FKBP11: variants seen among roughly 807,000 people sequenced by gnomAD.
FKBP11 encodes peptidyl-prolyl cis-trans isomerase FKBP11.
A neutral mutation model predicts 24.7 loss-of-function variants in FKBP11; 21 were observed. The observed-to-expected ratio is 0.85, with a 90% CI of 0.60 to 1.23. FKBP11 has a LOEUF of 1.23. Ranked by LOEUF, FKBP11 falls within the 50% of genes most tolerant of loss-of-function variation. The pLI, the probability that FKBP11 is intolerant of heterozygous loss-of-function variation, is 0.00. For synonymous variants in FKBP11, 106 were observed against 100.6 expected (o/e 1.05, Z -0.32); for missense variants, 245 against 248.7 (o/e 0.99, Z 0.10).
At chr12:48,929,020 G>A (rs1247534823), upstream of FKBP11, among the ~76,000 whole-genome samples, 2 of 149,032 alleles carry the variant, frequency 1.3e-5, no homozygotes, top group African/African-American at 4.9e-5. Context: ...TAGTGGAGAC[G>A]GGGTTTCACT....
At chr12:48,928,304 T>TA (rs1184317178), upstream of FKBP11, among the ~76,000 whole-genome samples, 1 of 151,576 alleles carries the variant, frequency 6.6e-6, no homozygotes, top group Non-Finnish European at 1.5e-5. Context: ...TTCGGCTTCT[T>TA]AAAGTGCTGG....
intron 5 of FKBP11, 126 bp downstream of exon 5, chr12:48,923,656 C>T: frequency 6.4e-7 from 1 of 1,571,652 alleles, no homozygotes; most frequent in Non-Finnish European, 8.7e-7. Flanking sequence ...GAGGCCCCAG[C>T]CACTCCTATC....
chr12:48,928,812 TTCTA>T (rs1490924047), upstream of FKBP11, among the ~76,000 whole-genome samples: 2 of 138,138 alleles, frequency 1.4e-5, no homozygotes, highest in African/African-American at 2.6e-5. Flanking sequence ...AGAAATAAAC[TTCTA>T]TCTTTTTTTT....
chr12:48,935,165 CAA>C, the FKBP11 span, among the ~76,000 whole-genome samples: 1 of 151,792 alleles, frequency 6.6e-6, no homozygotes, highest in African/African-American at 2.4e-5. Context: ...GGGTAATGTT[CAA>C]AGTCATTGGG....
chr12:48,924,851 A>G (rs1939922247), intron 2 of FKBP11, 195 bp downstream of exon 2: 2 of 1,443,116 alleles, frequency 1.4e-6, no homozygotes, highest in South Asian at 1.5e-5. Flanking sequence ...CGTGCCAGGT[A>G]GGAACTGGCA....
At chr12:48,938,742 C>G in the FKBP11 span, 14 of 636,660 alleles carry the variant, frequency 2.2e-5, no homozygotes, top group Admixed American at 5.9e-5. Context: ...AATGACTCAT[C>G]ATCAGGACAG....
At chr12:48,931,510 A>G in the FKBP11 span, 226 of 1,522,814 alleles carry the variant, frequency 1.5e-4, no homozygotes, top group African/African-American at 2.4e-3. Context: ...AGGTGAGATG[A>G]TTCTTGGAAA....
Position 48,924,243 on chromosome 12 carries a change from A to C in FKBP11, c.297T>G (p.Ser99Arg). Residue 99 changes from serine (S) to arginine (R), a missense_variant, in exon 4 of 6, where the codon AGT becomes AGG. Ser to Arg is a moderately radical substitution (Grantham distance 110, BLOSUM62 -1). Coordinates refer to ENST00000550765, the MANE Select transcript of FKBP11 (RefSeq NM_016594.3). ...QKQVIPGLEQSLLDMCVGEKR... is the reference protein window; with the variant it reads ...QKQVIPGLEQRLLDMCVGEKR... ...CTCACCCCACACACATGTCGAGAAG[A>C]CTCTGCTCCAGACCTTGAAGAAGAA... The C allele has an allele frequency of 6.2e-7, 1 of 1,614,090 alleles. No individual in the cohort carries two copies. Among genetic ancestry groups the C allele is most frequent in the Non-Finnish European group, 8.5e-7 (1 of 1,180,006 alleles).
chr12:48,931,128 TAAAAAAAAAAAAAAAAAA>T, upstream of FKBP11, among the ~76,000 whole-genome samples: 1 of 36,210 alleles, frequency 2.8e-5, no homozygotes, highest in Admixed American at 4.9e-4. Flanking sequence ...GACTCCAGCT[TAAAAAAAAAAAAAAAAAA>T]AAAAAAAAAA....
At chr12:48,929,838 G>C (rs916192822), upstream of FKBP11, among the ~76,000 whole-genome samples, 1 of 152,120 alleles carries the variant, frequency 6.6e-6, no homozygotes, top group Non-Finnish European at 1.5e-5. Context: ...TTCCATCTCT[G>C]TGCCTGAACT....
At chr12:48,925,748 C>A, upstream of FKBP11, 1 of 368,794 alleles carries the variant, frequency 2.7e-6, no homozygotes, top group African/African-American at 2.0e-5. Context: ...GAGCTAGTCT[C>A]TAATCCTCAA....
At position 48,924,205 on chromosome 12, in the gene FKBP11, C is replaced by A; in HGVS notation, c.317+18G>T. On this transcript the variant is annotated intron_variant, in intron 4 of 5. Coordinates refer to ENST00000550765, the MANE Select transcript of FKBP11 (RefSeq NM_016594.3). The stretch of plus-strand genomic sequence containing the variant: ...ATGCAAAGGGGGTACCCAGGCCCAC[C>A]CCTGCCGAGATACTCACCCCACACA... 6.2e-7 allele frequency: 1 copy of A among 1,614,102 alleles called. No homozygotes were observed. The highest frequency in any genetic ancestry group is 1.1e-5 in the South Asian group (1 of 91,076).
chr12:48,921,987 T>C lies in FKBP11; in HGVS notation c.603A>G (p.Lys201=). 2 of 1,582,736 alleles carry C rather than the reference T, an allele frequency of 1.3e-6. No individual in the cohort carries two copies. The highest frequency in any genetic ancestry group is 1.7e-6 in the Non-Finnish European group (2 of 1,169,152). ...GTTTTTTAAAATTTATTATTTATTA[T>C]TTCTTTTTGCTCTTGTTTCGTTTCT... The part of the protein sequence containing the change: ...KEEKRNKSKK[K] Residue 201 remains lysine (K), a synonymous_variant, in exon 6 of 6, where the codon AAA becomes AAG. Transcript: ENST00000550765.
chr12:48,932,523 C>T, the FKBP11 span, among the ~76,000 whole-genome samples: 2 of 151,806 alleles, frequency 1.3e-5, no homozygotes, highest in Admixed American at 6.6e-5. Context: ...ACTTCCTCCA[C>T]TCTTCCCCTA....
chr12:48,927,379 T>C (rs1367470140), upstream of FKBP11, among the ~76,000 whole-genome samples: 2 of 152,152 alleles, frequency 1.3e-5, no homozygotes, highest in East Asian at 3.8e-4. Flanking sequence ...CAGGAGGGAA[T>C]TTCTAGGGGT....
the FKBP11 span, chr12:48,938,282 G>T: frequency 1.7e-5 from 7 of 419,686 alleles, no homozygotes; most frequent in East Asian, 5.0e-4. Context: ...AGAGAGGAGG[G>T]TAACCAGTCA....
chr12:48,938,017 C>T, the FKBP11 span: 1 of 172,736 alleles, frequency 5.8e-6, no homozygotes, highest in South Asian at 1.4e-4. Context: ...GCCATCCCCA[C>T]CCCCCAGTCA....
chr12:48,937,892 G>A, the FKBP11 span: 1 of 157,542 alleles, frequency 6.3e-6, no homozygotes, highest in Non-Finnish European at 1.4e-5. Context: ...GGCAGGAATG[G>A]GATTGGCCCA....
chr12:48,938,567 G>T, the FKBP11 span: 5 of 460,338 alleles, frequency 1.1e-5, no homozygotes, highest in South Asian at 7.8e-5. Flanking sequence ...ACAGGGAGTA[G>T]AAGGGCTTGT....
Sources: allele counts gnomAD v4.1 joint callset (sites outside exome capture counted in the v4.1 genomes callset), GRCh38; gene constraint gnomAD v4.1.1; transcripts MANE v1.5; gene names NCBI Gene and HGNC (gene_info 2026-07-23, HGNC 2026-07-21).